The following TMEM44 variants were observed in gnomAD, a reference collection of about 807,000 sequenced individuals.
TMEM44 encodes transmembrane protein 44.
In TMEM44, 43 loss-of-function variants were observed where a neutral mutation model predicts 47.8. The observed-to-expected ratio is 0.90, with a 90% CI of 0.70 to 1.16. TMEM44 has a LOEUF of 1.16. Among genes scored for constraint, TMEM44 ranks in the 50% most tolerant of loss-of-function variants. TMEM44 has a pLI of 0.00. For synonymous variants in TMEM44, 277 were observed against 238.8 expected, an observed-to-expected ratio of 1.16 and a Z score of -1.48; for missense variants, 568 against 555.2, an observed-to-expected ratio of 1.02 and a Z score of -0.23.
chr3:194,632,247 T>C (rs1717900704), intron 1 of TMEM44, among the ~76,000 whole-genome samples: 1 of 152,194 alleles, frequency 6.6e-6, no homozygotes, highest in African/African-American at 2.4e-5. Context: ...TTATTTGTAT[T>C]GCAGTACTGG....
chr3:194,624,089 A>C (rs1171018928), intron 3 of TMEM44, among the ~76,000 whole-genome samples: 1 of 152,166 alleles, frequency 6.6e-6, no homozygotes, highest in Non-Finnish European at 1.5e-5. Flanking sequence ...ACAAGCATCG[A>C]CCCGTGAATC....
In TMEM44 at chr3:194,588,272, A is replaced by G. The variant is rs1712103513; in HGVS notation, c.*257T>C. ...GTCTGAGATCCTTTGGATTATCTTT[A>G]CGAAGCAAAAGCTTCTGTGAACTGT... On this transcript the variant is annotated 3_prime_UTR_variant, in exon 10 of 10. Transcript: ENST00000347147. 4.3e-6 allele frequency: 2 copies of G among 460,466 alleles called. No homozygotes were observed. The highest frequency in any genetic ancestry group is 6.6e-5 in the South Asian group (2 of 30,162). The allele number at this position is 460,466 out of a possible 1,614,324, so 28.5% of individuals were successfully genotyped here. A position where few individuals can be genotyped will look rare whatever the true frequency, so the allele number is the denominator to read the frequency against.
chr3:194,613,839 T>C (rs777160846), intron 7 of TMEM44, among the ~76,000 whole-genome samples: 2 of 148,870 alleles, frequency 1.3e-5, no homozygotes, highest in African/African-American at 4.9e-5. Context: ...AAAAACAGAA[T>C]AGGCCGGGCC....
intron 5 of TMEM44, among the ~76,000 whole-genome samples, chr3:194,621,995 A>C (rs1045150024): frequency 2.6e-5 from 4 of 152,194 alleles, no homozygotes; most frequent in African/African-American, 4.8e-5. Context: ...TACAGGCATG[A>C]GCCACCGCAC....
At chr3:194,600,009 C>T (rs1323808857) in intron 9 of TMEM44, among the ~76,000 whole-genome samples, 1 of 152,156 alleles carries the variant, frequency 6.6e-6, no homozygotes, top group African/African-American at 2.4e-5. Flanking sequence ...ATCCACCCGC[C>T]TCAGCCTCCC....
chr3:194,623,014 C>T (rs1716730055), intron 5 of TMEM44: 3 of 483,464 alleles, frequency 6.2e-6, no homozygotes, highest in Admixed American at 4.3e-5. Flanking sequence ...AGGCTCCCGC[C>T]GTCCTCAGGA....
intron 8 of TMEM44, among the ~76,000 whole-genome samples, chr3:194,606,423 G>T (rs1436832282): frequency 6.6e-6 from 1 of 152,128 alleles, no homozygotes; most frequent in Non-Finnish European, 1.5e-5. Context: ...CTTGCCCATT[G>T]GGATATTCAC....
At chr3:194,630,854 C>T (rs1466810910) in intron 1 of TMEM44, among the ~76,000 whole-genome samples, 9 of 141,922 alleles carry the variant, frequency 6.3e-5, no homozygotes, top group Non-Finnish European at 9.2e-5. Flanking sequence ...TGAAATAATA[C>T]GCTGTCGTAC....
chr3:194,608,466 A>G (rs917564724), intron 8 of TMEM44, among the ~76,000 whole-genome samples: 3 of 152,260 alleles, frequency 2.0e-5, no homozygotes, highest in Admixed American at 6.5e-5. Context: ...TTTACATCTC[A>G]GCAGGACACA....
chr3:194,625,092 C>A (rs894778222), intron 3 of TMEM44, among the ~76,000 whole-genome samples: 1 of 152,200 alleles, frequency 6.6e-6, no homozygotes, highest in African/African-American at 2.4e-5. Context: ...CACAGACACT[C>A]GGGGCCACTC....
intron 3 of TMEM44, among the ~76,000 whole-genome samples, chr3:194,625,441 G>T (rs77495786): frequency 0.02 from 2,566 of 129,896 alleles, 59 homozygotes; most frequent in East Asian, 0.12. Context: ...GGGGGGGGGG[G>T]GTTGTTTTTG....
intron 6 of TMEM44, among the ~76,000 whole-genome samples, chr3:194,616,240 C>A (rs969478865): frequency 1.1e-4 from 16 of 152,066 alleles, no homozygotes; most frequent in African/African-American, 3.9e-4. Flanking sequence ...TTAGTAGAGA[C>A]CGGGTTTCAC....
Position 194,588,468 on chromosome 3 carries a change from T to G in TMEM44, c.*61A>C, listed in dbSNP as rs1712134995. The stretch of plus-strand genomic sequence containing the variant: ...GGTGTCAGTGCAGATTGATTCCCGC[T>G]GCGTTACTGAACGAACTCCTGACCC... On this transcript the variant is annotated 3_prime_UTR_variant, in exon 10 of 10. Transcript: ENST00000347147. The G allele has an allele frequency of 4.8e-6, 7 of 1,470,408 alleles. No individual in the cohort carries two copies. The African/African-American group carries it at 5.6e-5, about 12-fold the overall frequency. 91.1% of individuals were successfully genotyped at this position (1,470,408 alleles called of 1,614,324 possible).
chr3:194,600,353 G>C (rs137963060), intron 9 of TMEM44, among the ~76,000 whole-genome samples: 7,216 of 151,806 alleles, frequency 0.048, 234 homozygotes, highest in African/African-American at 0.084. Context: ...GAACTCCTGA[G>C]CTCAGGCAAT....
At chr3:194,618,149 C>T (rs1046759831) in intron 5 of TMEM44, among the ~76,000 whole-genome samples, 7 of 152,158 alleles carry the variant, frequency 4.6e-5, no homozygotes, top group Non-Finnish European at 1.0e-4. Context: ...AGCTGAGGCC[C>T]GGCCCTTCTC....
At chr3:194,607,284 T>C (rs1714882476) in intron 8 of TMEM44, among the ~76,000 whole-genome samples, 2 of 152,170 alleles carry the variant, frequency 1.3e-5, no homozygotes, top group African/African-American at 2.4e-5. Flanking sequence ...CCAGTGCAGA[T>C]GCTGGCACCA....
intron 4 of TMEM44, 73 bp from the exon 5 acceptor site, chr3:194,623,383 A>G: frequency 6.6e-7 from 1 of 1,523,366 alleles, no homozygotes; most frequent in Non-Finnish European, 8.9e-7. Flanking sequence ...AAACAGCCAA[A>G]GCTCAGGAGT....
chr3:194,630,610 C>T (rs1412204767), intron 1 of TMEM44, among the ~76,000 whole-genome samples: 8 of 105,422 alleles, frequency 7.6e-5, no homozygotes, highest in Non-Finnish European at 1.1e-4. Flanking sequence ...CTGTTTCCAT[C>T]GGCGTCACTG....
At chr3:194,591,567 AT>A (rs1386160559) in intron 9 of TMEM44, among the ~76,000 whole-genome samples, 3 of 152,022 alleles carry the variant, frequency 2.0e-5, no homozygotes, top group Non-Finnish European at 4.4e-5. Context: ...TTTAGAATCT[AT>A]TTTTTCTGAC....
Sources: gnomAD v4.1 joint callset for allele counts (sites outside exome capture counted in the v4.1 genomes callset) on GRCh38, gnomAD v4.1.1 for gene constraint, MANE v1.5 for transcripts, NCBI Gene and HGNC (gene_info 2026-07-23, HGNC 2026-07-21) for gene names.